MAPRE3: variants seen among roughly 807,000 people sequenced by gnomAD.
MAPRE3 encodes the protein microtubule associated protein RP/EB family member 3.
Under a neutral mutation model 30.5 loss-of-function variants are expected in MAPRE3, and 2 were observed. That is an observed-to-expected ratio of 0.07 (90% CI 0.03 to 0.21). The LOEUF (loss-of-function observed/expected upper bound fraction) is 0.21, where lower values mean the gene tolerates loss of function less well. Ranked by LOEUF, MAPRE3 falls within the 10% of genes least tolerant of loss-of-function variation. The pLI is 1.00. For synonymous variants in MAPRE3, 110 were observed against 127.7 expected (o/e 0.86, Z 0.93); for missense variants, 204 against 351.8 (o/e 0.58, Z 3.36).
At chr2:26,994,554 A>G (rs1274691920) in intron 1 of MAPRE3, among the ~76,000 whole-genome samples, 1 of 152,192 alleles carries the variant, frequency 6.6e-6, no homozygotes, top group Non-Finnish European at 1.5e-5. Flanking sequence ...TCTAGATTCC[A>G]TAATAAGCCA....
intron 1 of MAPRE3, among the ~76,000 whole-genome samples, chr2:27,006,358 A>C (rs1307634379): frequency 6.6e-6 from 1 of 152,220 alleles, no homozygotes; most frequent in Non-Finnish European, 1.5e-5. Context: ...CTTAACCTTC[A>C]TAAGTTCATA....
At chr2:26,990,918 C>G (rs1365519649) in intron 1 of MAPRE3, among the ~76,000 whole-genome samples, 1 of 152,238 alleles carries the variant, frequency 6.6e-6, no homozygotes, top group African/African-American at 2.4e-5. Flanking sequence ...CAGTGCCCAG[C>G]ATTTCCCTGA....
intron 1 of MAPRE3, among the ~76,000 whole-genome samples, chr2:26,977,947 G>A (rs780126095): frequency 9.2e-5 from 14 of 152,200 alleles, no homozygotes; most frequent in Non-Finnish European, 2.1e-4. Context: ...AGAACATATG[G>A]CCTGTCACAT....
chr2:27,017,251 G>C (rs573425265), intron 1 of MAPRE3, among the ~76,000 whole-genome samples: 1 of 152,306 alleles, frequency 6.6e-6, no homozygotes, highest in East Asian at 1.9e-4. Context: ...ACCCCCATTA[G>C]GGCAGAGTGT....
At chr2:26,974,435 T>C (rs1280900804) in intron 1 of MAPRE3, among the ~76,000 whole-genome samples, 4 of 152,232 alleles carry the variant, frequency 2.6e-5, no homozygotes, top group East Asian at 1.9e-4. Context: ...AAATGTGAAG[T>C]TGGGTATTTG....
At chr2:26,984,986 C>T (rs1666190921) in intron 1 of MAPRE3, 2 of 152,186 alleles carry the variant, frequency 1.3e-5, no homozygotes, top group Non-Finnish European at 2.9e-5. Context: ...GGGGCAATGA[C>T]TTGTTTAAGA....
At chr2:26,990,597 A>G (rs1453790795) in intron 1 of MAPRE3, among the ~76,000 whole-genome samples, 2 of 152,238 alleles carry the variant, frequency 1.3e-5, no homozygotes, top group Non-Finnish European at 2.9e-5. Context: ...TTCTTAAATG[A>G]CTGTACAAAT....
chr2:26,991,330 G>A lies in MAPRE3; in HGVS notation c.-8+20528G>A, dbSNP rs552894906. ...AGGGGAGGTCGGGTCTGCCACTGAGGTACAGCCTGTGGTCAGTTGGTATGT... is the reference window on the plus strand; with the variant it reads ...AGGGGAGGTCGGGTCTGCCACTGAGATACAGCCTGTGGTCAGTTGGTATGT... On this transcript the variant is annotated intron_variant, in intron 1 of 6. Coordinates refer to ENST00000233121, the MANE Select transcript of MAPRE3 (RefSeq NM_012326.4). Among the ~76,000 whole-genome samples, 300 of 152,276 alleles carry A rather than the reference G, an allele frequency of 2.0e-3. 1 individual carries two copies. Among genetic ancestry groups the A allele is most frequent in the Non-Finnish European group, 3.5e-3 (241 of 68,014 alleles).
chr2:27,012,797 A>G (rs1185704655), intron 1 of MAPRE3: 1 of 152,708 alleles, frequency 6.5e-6, no homozygotes, highest in African/African-American at 2.4e-5. Flanking sequence ...AGCTTAAAGT[A>G]TAAATGACTG....
intron 1 of MAPRE3, among the ~76,000 whole-genome samples, chr2:26,974,954 C>T (rs1665987930): frequency 6.6e-6 from 1 of 152,204 alleles, no homozygotes; most frequent in Admixed American, 6.5e-5. Context: ...TCTCTCAGCA[C>T]CCCTCTCGGT....
chr2:27,023,617 A>T, intron 3 of MAPRE3, 140 bp downstream of exon 3: 1 of 976,652 alleles, frequency 1.0e-6, no homozygotes, highest in Non-Finnish European at 1.6e-6. Context: ...TCCAGAGGGA[A>T]TTTTCCCCCT....
chr2:26,977,801 C>A (rs1042517461), intron 1 of MAPRE3, among the ~76,000 whole-genome samples: 16 of 152,222 alleles, frequency 1.1e-4, no homozygotes, highest in Non-Finnish European at 2.1e-4. Flanking sequence ...TCCACACACA[C>A]ACACTGTACA....
At chr2:26,976,711 AT>A (rs1324401252) in intron 1 of MAPRE3, among the ~76,000 whole-genome samples, 1 of 152,214 alleles carries the variant, frequency 6.6e-6, no homozygotes, top group Admixed American at 6.5e-5. Flanking sequence ...ATGCAAAATG[AT>A]TTTTTCCCTG....
rs148164244 is a variant in MAPRE3, at chr2:26,991,122, T to C, written c.-8+20320T>C. Among the ~76,000 whole-genome samples, 1,511 of 152,206 alleles carry C rather than the reference T, an allele frequency of 9.9e-3. 12 individuals carry two copies. Among genetic ancestry groups the C allele is most frequent in the Non-Finnish European group, 0.012 (817 of 68,006 alleles). On this transcript the variant is annotated intron_variant, in intron 1 of 6. Coordinates refer to ENST00000233121, the MANE Select transcript of MAPRE3 (RefSeq NM_012326.4). ...CAAAAAAATTAGCCAGGCGTGGTGGTGGGCGCCTGTAGTCCCAGCTGCTCT... is the reference window on the plus strand; with the variant it reads ...CAAAAAAATTAGCCAGGCGTGGTGGCGGGCGCCTGTAGTCCCAGCTGCTCT...
chr2:26,988,394 A>G lies in MAPRE3; in HGVS notation c.-8+17592A>G, dbSNP rs115741217. 8.4e-3 allele frequency among the ~76,000 whole-genome samples: 1,274 copies of G among 152,290 alleles called. 18 individuals carry two copies. The highest frequency in any genetic ancestry group is 0.03 in the African/African-American group (1,238 of 41,538). On this transcript the variant is annotated intron_variant, in intron 1 of 6. Coordinates refer to ENST00000233121, the MANE Select transcript of MAPRE3 (RefSeq NM_012326.4). ...TGCTTTTAAAAATGTTGGCAGAAGAAACCAGTTAGCTAAGTGGTCATTAAT... is the reference window on the plus strand; with the variant it reads ...TGCTTTTAAAAATGTTGGCAGAAGAGACCAGTTAGCTAAGTGGTCATTAAT...
chr2:27,022,411 C>A, intron 2 of MAPRE3, 72 bp downstream of exon 2: 1 of 1,577,818 alleles, frequency 6.3e-7, no homozygotes, highest in Admixed American at 1.7e-5. Context: ...GCAGAGCAGC[C>A]ACAACAGGGA....
chr2:26,987,463 C>G (rs1666247886), intron 1 of MAPRE3, among the ~76,000 whole-genome samples: 1 of 151,936 alleles, frequency 6.6e-6, no homozygotes, highest in Non-Finnish European at 1.5e-5. Flanking sequence ...ATAGTGAAAC[C>G]CTGTTTCTAC....
Position 27,024,250 on chromosome 2 carries a change from C to G in MAPRE3, c.422C>G (p.Pro141Arg). Residue 141 changes from proline to arginine, a missense_variant, in exon 4 of 7, where the codon CCA becomes CGA. Pro to Arg is a moderately radical substitution (Grantham distance 103, BLOSUM62 -2). Around this residue, in one of 5 missense-constraint regions of MAPRE3, gnomAD observed 101 missense variants for 205.4 expected, o/e 0.49. Transcript: ENST00000233121. ...CAGGACGTAGCGCCACCTCCTAACCCAGGTGATCAGATCTTCAACAAATCC... is the reference window on the plus strand; with the variant it reads ...CAGGACGTAGCGCCACCTCCTAACCGAGGTGATCAGATCTTCAACAAATCC... ...QGQDVAPPPN[P>R]GDQIFNKSKK... 6.2e-7 allele frequency: 1 copy of G among 1,614,198 alleles called. No homozygotes were observed. Among genetic ancestry groups the G allele is most frequent in the Admixed American group, 1.7e-5 (1 of 60,034 alleles).
intron 1 of MAPRE3, among the ~76,000 whole-genome samples, chr2:26,992,959 T>C (rs1283791450): frequency 1.3e-5 from 2 of 152,254 alleles, no homozygotes; most frequent in African/African-American, 4.8e-5. Context: ...GCCCTTTTTA[T>C]ATTCTGCTAC....
Sources: gnomAD v4.1 joint callset for allele counts (sites outside exome capture counted in the v4.1 genomes callset) on GRCh38, gnomAD v4.1.1 for gene constraint, gnomAD v4.1.1 regional missense constraint, MANE v1.5 for transcripts, NCBI Gene and HGNC (gene_info 2026-07-23, HGNC 2026-07-21) for gene names.